Variants in HOOK3 observed in about 807,000 individuals in gnomAD.
HOOK3 encodes protein Hook homolog 3.
In HOOK3, 24 loss-of-function variants were observed where a neutral mutation model predicts 116.3. That is an observed-to-expected ratio of 0.21 (90% confidence interval 0.15 to 0.29). The LOEUF is 0.29. HOOK3 is among the 10% of genes least tolerant of loss of function. HOOK3 has a pLI of 1.00. For missense variants in HOOK3, 632 were observed against 830.2 expected, an observed-to-expected ratio of 0.76 and a Z score of 2.93; for synonymous variants, 275 against 283.0, an observed-to-expected ratio of 0.97 and a Z score of 0.28.
chr8:42,899,423 C>T (rs1369555059), intron 1 of HOOK3, among the ~76,000 whole-genome samples: 4 of 152,056 alleles, frequency 2.6e-5, no homozygotes, highest in Non-Finnish European at 5.9e-5. Flanking sequence ...ATGTACAGTT[C>T]TAAAATTTGG....
At chr8:42,922,879 CA>C (rs796695239) in intron 2 of HOOK3, among the ~76,000 whole-genome samples, 5,374 of 85,774 alleles carry the variant, frequency 0.063, 129 homozygotes, top group African/African-American at 0.12. Context: ...GACTCTGTCT[CA>C]AAAAAAAAAA....
At chr8:42,961,798 G>T (rs549564133) in intron 8 of HOOK3, among the ~76,000 whole-genome samples, 76 of 152,110 alleles carry the variant, frequency 5.0e-4, no homozygotes, top group Non-Finnish European at 9.0e-4. Context: ...GTTTTGTTTT[G>T]TTTTTTGAGA....
chr8:42,950,844 C>T (rs978020398), intron 6 of HOOK3, among the ~76,000 whole-genome samples: 2 of 152,002 alleles, frequency 1.3e-5, no homozygotes, highest in Admixed American at 6.6e-5. Flanking sequence ...TGCCACCATG[C>T]CCAGCTAATT....
intron 13 of HOOK3, among the ~76,000 whole-genome samples, chr8:42,982,207 A>T (rs1808962375): frequency 2.0e-5 from 3 of 148,752 alleles, no homozygotes; most frequent in Admixed American, 1.3e-4. Context: ...GTGAGCCAAG[A>T]TCGTGCCATT....
At chr8:42,957,578 T>A (rs1215565892) in intron 7 of HOOK3, among the ~76,000 whole-genome samples, 1 of 152,160 alleles carries the variant, frequency 6.6e-6, no homozygotes, top group Non-Finnish European at 1.5e-5. Context: ...GTCATTTTCT[T>A]GGAAAATGAC....
chr8:42,992,269 G>A (rs1020363472), intron 15 of HOOK3, among the ~76,000 whole-genome samples: 1 of 149,918 alleles, frequency 6.7e-6, no homozygotes, highest in African/African-American at 2.5e-5. Context: ...GCGTGGTGGT[G>A]AGCGCCTGTA....
At position 43,012,691 on chromosome 8, in the gene HOOK3, C is replaced by T. The variant is rs371121645; in HGVS notation, c.1840-360C>T. Among the ~76,000 whole-genome samples the T allele has an allele frequency of 4.6e-5, 7 of 152,232 alleles. No individual in the cohort carries two copies. The South Asian group carries it at 1.0e-3, about 23-fold the overall frequency. On this transcript the variant is annotated intron_variant, in intron 19 of 21. Transcript: ENST00000307602. ...CTCAGCTCACTGCAGCCTCAACCTC[C>T]CAGGCTCAAGTGATCGTCCTGCCTC...
At chr8:42,943,772 G>T (rs1395240743) in intron 5 of HOOK3, among the ~76,000 whole-genome samples, 1 of 152,138 alleles carries the variant, frequency 6.6e-6, no homozygotes, top group African/African-American at 2.4e-5. Context: ...GAGACATACA[G>T]CAGTTTAATA....
At chr8:42,980,603 A>T (rs1356634067) in intron 13 of HOOK3, among the ~76,000 whole-genome samples, 1 of 152,112 alleles carries the variant, frequency 6.6e-6, no homozygotes, top group East Asian at 1.9e-4. Flanking sequence ...TATAAGAAAA[A>T]GAGGGCCTGG....
At chr8:42,995,531 G>A (rs933168217) in intron 15 of HOOK3, among the ~76,000 whole-genome samples, 1 of 152,028 alleles carries the variant, frequency 6.6e-6, no homozygotes, top group African/African-American at 2.4e-5. Flanking sequence ...GATCCGCCAT[G>A]GGCCTTCTTT....
At chr8:42,940,825 A>T (rs1808101153) in intron 4 of HOOK3, among the ~76,000 whole-genome samples, 1 of 152,140 alleles carries the variant, frequency 6.6e-6, no homozygotes, top group African/African-American at 2.4e-5. Context: ...GTTTTCCTAG[A>T]TAATATCCTG....
chr8:42,997,909 C>A (rs538392423), intron 16 of HOOK3: 20 of 334,520 alleles, frequency 6.0e-5, no homozygotes, highest in Non-Finnish European at 1.1e-4. Context: ...ATGTGCTCAA[C>A]TCAGTGTTCA....
At chr8:42,980,015 G>A (rs1218600594) in intron 13 of HOOK3, among the ~76,000 whole-genome samples, 11 of 148,286 alleles carry the variant, frequency 7.4e-5, no homozygotes, top group African/African-American at 2.0e-4. Context: ...CCAGGCTGGA[G>A]CGCAATGGTG....
intron 7 of HOOK3, among the ~76,000 whole-genome samples, chr8:42,958,084 G>A (rs998354063): frequency 1.3e-5 from 2 of 151,968 alleles, no homozygotes; most frequent in Non-Finnish European, 2.9e-5. Context: ...CACCAGCCTC[G>A]GCTTCCCAAA....
At chr8:42,940,664 C>T (rs186778015) in intron 4 of HOOK3, among the ~76,000 whole-genome samples, 5 of 152,214 alleles carry the variant, frequency 3.3e-5, no homozygotes, top group African/African-American at 1.2e-4. Flanking sequence ...CGACTTTTCT[C>T]TCTGGATGCC....
chr8:42,920,074 A>G (rs952922653), intron 2 of HOOK3, among the ~76,000 whole-genome samples: 4 of 152,198 alleles, frequency 2.6e-5, no homozygotes, highest in Non-Finnish European at 4.4e-5. Flanking sequence ...AAAGTTATAA[A>G]CAAGTAAATG....
rs768592763 is a variant in HOOK3, at chr8:42,982,617, A to G, written c.1322-10A>G. 3 of 1,586,286 alleles carry G rather than the reference A, an allele frequency of 1.9e-6. No homozygotes were observed. Among genetic ancestry groups the G allele is most frequent in the South Asian group, 1.1e-5 (1 of 90,526 alleles). On this transcript the variant is annotated splice_polypyrimidine_tract_variant and intron_variant, in intron 13 of 21. Transcript: ENST00000307602. ...CCATTAGCCTTATATTTATGTTTGT[A>G]TATTTACAGGGTTAATGCCTCTTGG...
chr8:42,959,823 T>C (rs528130809), intron 8 of HOOK3, among the ~76,000 whole-genome samples: 175 of 151,860 alleles, frequency 1.2e-3, no homozygotes, highest in Non-Finnish European at 2.0e-3. Flanking sequence ...TGTCTGGAAT[T>C]TACTTTGACT....
At chr8:42,956,825 G>A (rs373648388) in intron 6 of HOOK3, among the ~76,000 whole-genome samples, 9 of 151,992 alleles carry the variant, frequency 5.9e-5, no homozygotes, top group East Asian at 3.9e-4. Flanking sequence ...CTCATGATCC[G>A]CCCACCTCGG....
Sources: gnomAD v4.1 joint callset for allele counts (sites outside exome capture counted in the v4.1 genomes callset) on GRCh38, gnomAD v4.1.1 for gene constraint, MANE v1.5 for transcripts, NCBI Gene and HGNC (gene_info 2026-07-23, HGNC 2026-07-21) for gene names.